The following NMNAT2 variants were observed in gnomAD, a reference collection of about 807,000 sequenced individuals.
NMNAT2 encodes nicotinamide/nicotinic acid mononucleotide adenylyltransferase 2.
In NMNAT2, 11 loss-of-function variants were observed where a neutral mutation model predicts 41.6. The observed-to-expected ratio is 0.26, with a 90% confidence interval of 0.17 to 0.44. The LOEUF (loss-of-function observed/expected upper bound fraction) is 0.44, where lower values mean the gene tolerates loss of function less well. Among genes scored for constraint, NMNAT2 ranks in the 20% least tolerant of loss-of-function variants. NMNAT2 has a pLI of 1.00. For missense variants in NMNAT2, 288 were observed against 407.7 expected, an observed-to-expected ratio of 0.71 and a Z score of 2.53; for synonymous variants, 148 against 151.2, an observed-to-expected ratio of 0.98 and a Z score of 0.16.
At chr1:183,263,811 A>T (rs1436289714) in intron 8 of NMNAT2, among the ~76,000 whole-genome samples, 1 of 9,342 alleles carries the variant, frequency 1.1e-4, no homozygotes, top group Non-Finnish European at 6.8e-3. Context: ...CTGTCTCAAA[A>T]ACAAAAACAA....
At position 183,292,852 on chromosome 1, in the gene NMNAT2, G is replaced by C. The variant is rs185589144; in HGVS notation, c.180C>G (p.Leu60=). ...TGATGAGACGGTGCCGGCTTGACAC[G>C]AGGCCCTGGGAAGCAACAGAGCAAT... is the stretch of plus-strand genomic sequence containing the variant. The part of the protein sequence containing the change: ...PVHDSYGKQG[L]VSSRHRLIMC... Residue 60 remains leucine, a synonymous_variant, in exon 3 of 11, where the codon CTC becomes CTG. Coordinates refer to ENST00000287713, the MANE Select transcript of NMNAT2 (RefSeq NM_015039.4). 3 of 1,613,922 alleles carry C rather than the reference G, an allele frequency of 1.9e-6. No homozygotes were observed. Among genetic ancestry groups the C allele is most frequent in the East Asian group, 2.2e-5 (1 of 44,846 alleles).
At chr1:183,370,228 A>G (rs1207784775) in intron 1 of NMNAT2, among the ~76,000 whole-genome samples, 3 of 85,820 alleles carry the variant, frequency 3.5e-5, no homozygotes, top group East Asian at 2.5e-4. Flanking sequence ...ACACATACAC[A>G]CACACACACA....
intron 8 of NMNAT2, among the ~76,000 whole-genome samples, chr1:183,263,503 G>A (rs928732805): frequency 6.6e-6 from 1 of 152,228 alleles, no homozygotes; most frequent in Non-Finnish European, 1.5e-5. Flanking sequence ...CCAAAGCCCC[G>A]CTCACACCTA....
At chr1:183,324,312 G>C (rs1351859068) in intron 1 of NMNAT2, among the ~76,000 whole-genome samples, 1 of 152,200 alleles carries the variant, frequency 6.6e-6, no homozygotes, top group East Asian at 1.9e-4. Flanking sequence ...AAGAGACCGT[G>C]AGAACTGACG....
intron 1 of NMNAT2, among the ~76,000 whole-genome samples, chr1:183,346,543 G>A (rs934190838): frequency 3.9e-5 from 6 of 152,164 alleles, no homozygotes; most frequent in African/African-American, 1.4e-4. Flanking sequence ...CTGTTGATCT[G>A]ACCTTCCAAG....
At chr1:183,275,350 T>G (rs980812762) in intron 8 of NMNAT2, among the ~76,000 whole-genome samples, 1 of 152,084 alleles carries the variant, frequency 6.6e-6, no homozygotes, top group Non-Finnish European at 1.5e-5. Context: ...TTTCCCTGTC[T>G]CAGACTCAAT....
At chr1:183,277,716 T>C (rs77243467) in intron 8 of NMNAT2, among the ~76,000 whole-genome samples, 4,418 of 152,160 alleles carry the variant, frequency 0.029, 126 homozygotes, top group South Asian at 0.099. Flanking sequence ...AAAGATTGTA[T>C]AGTACAACGT....
At chr1:183,370,421 T>C (rs1442933278) in intron 1 of NMNAT2, among the ~76,000 whole-genome samples, 4 of 152,182 alleles carry the variant, frequency 2.6e-5, no homozygotes, top group African/African-American at 2.4e-5. Context: ...CTTACTGGTA[T>C]GCTGAGAATA....
At chr1:183,357,190 A>C (rs1326289690) in intron 1 of NMNAT2, among the ~76,000 whole-genome samples, 3 of 133,954 alleles carry the variant, frequency 2.2e-5, no homozygotes, top group African/African-American at 8.2e-5. Flanking sequence ...CAACGGCTTT[A>C]GTGGCTCAGG....
chr1:183,317,141 G>A (rs184486271), intron 1 of NMNAT2, among the ~76,000 whole-genome samples: 18 of 152,318 alleles, frequency 1.2e-4, no homozygotes, highest in East Asian at 3.9e-4. Context: ...GGGAACCGTC[G>A]GGTCATACCT....
chr1:183,393,942 C>T (rs762983494), intron 1 of NMNAT2, among the ~76,000 whole-genome samples: 2 of 152,188 alleles, frequency 1.3e-5, no homozygotes, highest in Admixed American at 6.5e-5. Context: ...TTCAGGACAA[C>T]ACAAACTGGG....
At position 183,284,804 on chromosome 1, in the gene NMNAT2, C is replaced by T. The variant is rs202174979; in HGVS notation, c.449-14G>A. 2 of 1,610,284 alleles carry T rather than the reference C, an allele frequency of 1.2e-6. No individual in the cohort carries two copies. Among genetic ancestry groups the T allele is most frequent in the Non-Finnish European group, 1.7e-6 (2 of 1,176,588 alleles). ...CCAAGATCTTGGCTATGGGAGAGAGCAAGACAGACAGGGACAGAGTGGGAG... is the reference window on the plus strand; with the variant it reads ...CCAAGATCTTGGCTATGGGAGAGAGTAAGACAGACAGGGACAGAGTGGGAG... On this transcript the variant is annotated splice_polypyrimidine_tract_variant and intron_variant, in intron 5 of 10. Coordinates refer to ENST00000287713, the MANE Select transcript of NMNAT2 (RefSeq NM_015039.4).
chr1:183,292,749 T>A, intron 3 of NMNAT2, 41 bp downstream of exon 3: 1 of 1,583,860 alleles, frequency 6.3e-7, no homozygotes, highest in Non-Finnish European at 8.7e-7. Flanking sequence ...TCCCAGTAAG[T>A]CTCCGGGCCA....
chr1:183,274,706 A>T (rs570925679), intron 8 of NMNAT2, among the ~76,000 whole-genome samples: 57 of 148,686 alleles, frequency 3.8e-4, no homozygotes, highest in African/African-American at 1.4e-3. Context: ...CGGAGGTGGG[A>T]GGATCATTTG....
rs114553823 is a variant in NMNAT2 at position 183,359,688 on chromosome 1, T to C, written c.85+58495A>G. Reference sequence around the variant, plus strand: ...TGGGAACATCACCCTCAGGGCTGCCTCTTTTTTGCTCCCATGCCCAGATCT... The same window carrying C: ...TGGGAACATCACCCTCAGGGCTGCCCCTTTTTTGCTCCCATGCCCAGATCT... On this transcript the variant is annotated intron_variant, in intron 1 of 10. Transcript: ENST00000287713. Among the ~76,000 whole-genome samples, 500 of 152,236 alleles carry C rather than the reference T, an allele frequency of 3.3e-3. 1 individual carries two copies. Among genetic ancestry groups the C allele is most frequent in the African/African-American group, 0.011 (439 of 41,516 alleles).
At chr1:183,409,408 A>T (rs1327076568) in intron 1 of NMNAT2, among the ~76,000 whole-genome samples, 1 of 151,952 alleles carries the variant, frequency 6.6e-6, no homozygotes, top group African/African-American at 2.4e-5. Context: ...CCTCAACCTC[A>T]TGGGCTCAAG....
chr1:183,304,809 T>A, intron 1 of NMNAT2: 1 of 1,608,876 alleles, frequency 6.2e-7, no homozygotes, highest in East Asian at 2.2e-5. Flanking sequence ...CACAAAGTGG[T>A]GCAGCTGCTC....
chr1:183,360,845 GT>G (rs1663291990), intron 1 of NMNAT2, among the ~76,000 whole-genome samples: 1 of 152,130 alleles, frequency 6.6e-6, no homozygotes, highest in African/African-American at 2.4e-5. Flanking sequence ...TCTTTTATTG[GT>G]GGAAGCATTT....
At chr1:183,369,212 G>A (rs1430486690) in intron 1 of NMNAT2, among the ~76,000 whole-genome samples, 2 of 150,166 alleles carry the variant, frequency 1.3e-5, no homozygotes, top group African/African-American at 2.5e-5. Flanking sequence ...TCTCATTCTC[G>A]CCTCCCCAAA....
Sources: gnomAD v4.1 joint callset for allele counts (sites outside exome capture counted in the v4.1 genomes callset) on GRCh38, gnomAD v4.1.1 for gene constraint, MANE v1.5 for transcripts, NCBI Gene and HGNC (gene_info 2026-07-23, HGNC 2026-07-21) for gene names.